Variants in IQCJ observed in about 807,000 individuals in gnomAD.
The protein encoded by IQCJ is IQ domain-containing protein J.
IQCJ carries 9 observed loss-of-function variants against 11.0 expected under a neutral mutation model. The ratio of observed to expected loss-of-function variants is 0.82; its 90% CI spans 0.49 to 1.43. The LOEUF is 1.43. IQCJ is among the 40% of genes most tolerant of loss of function. The pLI is 0.00. For synonymous variants in IQCJ, 55 were observed against 51.3 expected (o/e 1.07, Z -0.31); for missense variants, 146 against 133.2 (o/e 1.10, Z -0.47).
intron 1 of IQCJ, among the ~76,000 whole-genome samples, chr3:159,073,008 T>G (rs1235868783): frequency 6.6e-6 from 1 of 152,084 alleles, no homozygotes; most frequent in Non-Finnish European, 1.5e-5. Flanking sequence ...AGTGGTTTAT[T>G]TGAGAGTAAA....
At position 159,148,817 on chromosome 3, in the gene IQCJ, G is replaced by A. The variant is rs536753679; in HGVS notation, c.9+79376G>A. ...AAGTGCTTTCATTTAAGATGGATAA[G>A]GTCAAAGGTTATATAAAATTTCAGC... On this transcript the variant is annotated intron_variant, in intron 1 of 3. Coordinates refer to ENST00000397832, the MANE Select transcript of IQCJ (RefSeq NM_001042706.3). 2.6e-5 allele frequency among the ~76,000 whole-genome samples: 4 copies of A among 152,288 alleles called. No individual in the cohort carries two copies. The South Asian group carries it at 8.3e-4, about 32-fold the overall frequency.
chr3:159,231,811 T>C (rs1726265329), intron 1 of IQCJ, among the ~76,000 whole-genome samples: 1 of 152,208 alleles, frequency 6.6e-6, no homozygotes, highest in South Asian at 2.1e-4. Context: ...TTTCAGAGCT[T>C]GTTATTGGTC....
At chr3:159,111,231 TTTG>T (rs1312490862) in intron 1 of IQCJ, among the ~76,000 whole-genome samples, 1 of 152,208 alleles carries the variant, frequency 6.6e-6, no homozygotes, top group African/African-American at 2.4e-5. Flanking sequence ...ATGAAAAACA[TTTG>T]TTGTAGACAA....
intron 1 of IQCJ, among the ~76,000 whole-genome samples, chr3:159,186,676 G>A (rs1182271704): frequency 6.6e-6 from 1 of 152,336 alleles, no homozygotes; most frequent in East Asian, 1.9e-4. Flanking sequence ...AAAGGTGACT[G>A]TTATTGTTCT....
chr3:159,160,465 G>A (rs1398888808), intron 1 of IQCJ, among the ~76,000 whole-genome samples: 2 of 151,684 alleles, frequency 1.3e-5, no homozygotes. Context: ...ATCACGCCCA[G>A]CTGATTTTTG....
chr3:159,075,345 T>A (rs956776591), intron 1 of IQCJ, among the ~76,000 whole-genome samples: 17 of 152,018 alleles, frequency 1.1e-4, no homozygotes, highest in Admixed American at 2.6e-4. Context: ...ACAAAAAAAA[T>A]TTTTTTAAGA....
At chr3:159,186,057 A>T (rs1723352766) in intron 1 of IQCJ, among the ~76,000 whole-genome samples, 1 of 152,216 alleles carries the variant, frequency 6.6e-6, no homozygotes, top group South Asian at 2.1e-4. Flanking sequence ...TCAAGGGCTG[A>T]CAGGGCAGGG....
chr3:159,121,107 G>A (rs968859818), intron 1 of IQCJ, among the ~76,000 whole-genome samples: 10 of 151,664 alleles, frequency 6.6e-5, no homozygotes, highest in African/African-American at 2.4e-4. Flanking sequence ...ATGCTGCAAG[G>A]GAGTCTTTAA....
intron 1 of IQCJ, among the ~76,000 whole-genome samples, chr3:159,206,425 C>G (rs1034248302): frequency 7.9e-5 from 12 of 152,098 alleles, no homozygotes; most frequent in Non-Finnish European, 4.4e-5. Context: ...TAGGTAGCAA[C>G]ACCCCAATTT....
chr3:159,108,446 G>T lies in IQCJ; in HGVS notation c.9+39005G>T, dbSNP rs185311584. On this transcript the variant is annotated intron_variant, in intron 1 of 3. Transcript: ENST00000397832. ...TAAAGGCAGTGTTTTGTCATCTTAGGTATTTAATTTCTTGGATCAAAGGGG... is the reference window on the plus strand; with the variant it reads ...TAAAGGCAGTGTTTTGTCATCTTAGTTATTTAATTTCTTGGATCAAAGGGG... Among the ~76,000 whole-genome samples the T allele has an allele frequency of 5.9e-3, 892 of 152,176 alleles. 12 individuals carry two copies. Among genetic ancestry groups the T allele is most frequent in the African/African-American group, 0.02 (845 of 41,538 alleles).
chr3:159,069,878 TGTGTGTGTGC>T (rs1241498229), intron 1 of IQCJ: 29 of 349,826 alleles, frequency 8.3e-5, no homozygotes, highest in African/African-American at 2.2e-4. Context: ...TGTGTGTGTG[TGTGTGTGTGC>T]GTGTGTATGG....
chr3:159,232,821 T>C (rs1369622010), intron 1 of IQCJ, among the ~76,000 whole-genome samples: 1 of 152,148 alleles, frequency 6.6e-6, no homozygotes, highest in East Asian at 1.9e-4. Flanking sequence ...AGTGGGGTGT[T>C]AAAGTCTCCC....
intron 1 of IQCJ, among the ~76,000 whole-genome samples, chr3:159,083,175 A>G (rs1716448039): frequency 6.6e-6 from 1 of 152,164 alleles, no homozygotes. Flanking sequence ...GAAAAAGACA[A>G]GCTATAGCCT....
At chr3:159,073,672 A>T (rs373786836) in intron 1 of IQCJ, among the ~76,000 whole-genome samples, 1 of 152,116 alleles carries the variant, frequency 6.6e-6, no homozygotes, top group African/African-American at 2.4e-5. Context: ...CATCCAATTC[A>T]GTCTCTCCAC....
chr3:159,262,959 T>C lies in IQCJ; in HGVS notation c.*228T>C. On this transcript the variant is annotated 3_prime_UTR_variant, in exon 4 of 4. Transcript: ENST00000397832. ...CTATTATGGAGGTATCTTTTTTGCTTTTCTTTATAATAGCATATTTCTTTT... is the reference window on the plus strand; with the variant it reads ...CTATTATGGAGGTATCTTTTTTGCTCTTCTTTATAATAGCATATTTCTTTT... 1.6e-6 allele frequency: 2 copies of C among 1,252,652 alleles called. No homozygotes were observed. The highest frequency in any genetic ancestry group is 2.8e-5 in the South Asian group (1 of 35,312). The allele number at this position is 1,252,652 out of a possible 1,614,324, so 77.6% of individuals were successfully genotyped here. A position where few individuals can be genotyped will look rare whatever the true frequency, so the allele number is the denominator to read the frequency against.
intron 1 of IQCJ, among the ~76,000 whole-genome samples, chr3:159,084,054 T>C (rs938174973): frequency 6.6e-6 from 1 of 152,106 alleles, no homozygotes; most frequent in African/African-American, 2.4e-5. Context: ...CGCACACATA[T>C]ACAGTGCGTG....
chr3:159,218,255 C>A (rs755781739), intron 1 of IQCJ, among the ~76,000 whole-genome samples: 1 of 151,448 alleles, frequency 6.6e-6, no homozygotes, highest in East Asian at 1.9e-4. Flanking sequence ...GGATTTGAAC[C>A]CAGACATTCT....
Position 159,170,184 on chromosome 3 carries a change from A to C in IQCJ, c.10-75659A>C, listed in dbSNP as rs1722413969. Among the ~76,000 whole-genome samples, 5 of 152,190 alleles carry C rather than the reference A, an allele frequency of 3.3e-5. No individual in the cohort carries two copies. In the South Asian group the frequency reaches 8.3e-4, roughly 25 times the overall value. On this transcript the variant is annotated intron_variant, in intron 1 of 3. Coordinates refer to ENST00000397832, the MANE Select transcript of IQCJ (RefSeq NM_001042706.3). ...TTTGGAGACTTCCTAAAGCCAATCCATGCTTCCACTGAGAGGTCAAGGAAC... is the reference window on the plus strand; with the variant it reads ...TTTGGAGACTTCCTAAAGCCAATCCCTGCTTCCACTGAGAGGTCAAGGAAC...
At chr3:159,209,528 C>T (rs1724836023) in intron 1 of IQCJ, among the ~76,000 whole-genome samples, 2 of 152,170 alleles carry the variant, frequency 1.3e-5, no homozygotes, top group Non-Finnish European at 2.9e-5. Context: ...CTCCACTGAG[C>T]TGGTTAACAC....
Sources: gnomAD v4.1 joint callset for allele counts (sites outside exome capture counted in the v4.1 genomes callset) on GRCh38, gnomAD v4.1.1 for gene constraint, MANE v1.5 for transcripts, NCBI Gene and HGNC (gene_info 2026-07-23, HGNC 2026-07-21) for gene names.